MAPK6: variants seen among roughly 807,000 people sequenced by gnomAD.
MAPK6 encodes mitogen-activated protein kinase 6.
Under a neutral mutation model 59.3 loss-of-function variants are expected in MAPK6, and 19 were observed. The observed-to-expected ratio is 0.32, with a 90% CI of 0.22 to 0.47. MAPK6 has a LOEUF of 0.47. Among genes scored for constraint, MAPK6 ranks in the 20% least tolerant of loss-of-function variants. The pLI is 1.00. For missense variants in MAPK6, 724 were observed against 847.9 expected (o/e 0.85, Z 1.81); for synonymous variants, 316 against 290.3 (o/e 1.09, Z -0.90).
chr15:52,041,164 T>G (rs1313440484), intron 1 of MAPK6, among the ~76,000 whole-genome samples: 1 of 152,136 alleles, frequency 6.6e-6, no homozygotes, highest in African/African-American at 2.4e-5. Flanking sequence ...AGTTTTTTCC[T>G]GGGTCTAAGC....
chr15:52,061,561 T>G, intron 5 of MAPK6, 61 bp downstream of exon 5: 1 of 1,248,786 alleles, frequency 8.0e-7, no homozygotes, highest in Non-Finnish European at 1.1e-6. Context: ...CCATATGTAG[T>G]GAGTTTTTTT....
At chr15:51,974,658 CA>C (rs765698138) in intron 1 of MAPK6, among the ~76,000 whole-genome samples, 1,049 of 32,978 alleles carry the variant, frequency 0.032, 8 homozygotes, top group Non-Finnish European at 0.036. Context: ...GACTCCGTCT[CA>C]AAAAAAAAAA....
At chr15:52,007,329 G>T (rs1010028187) in intron 3 of MAPK6, among the ~76,000 whole-genome samples, 1 of 152,082 alleles carries the variant, frequency 6.6e-6, no homozygotes, top group Non-Finnish European at 1.5e-5. Flanking sequence ...CTATCTTCTG[G>T]GGGGTGGGGT....
At chr15:52,028,325 G>T (rs1334067204) in intron 1 of MAPK6, among the ~76,000 whole-genome samples, 1 of 152,100 alleles carries the variant, frequency 6.6e-6, no homozygotes, top group East Asian at 1.9e-4. Flanking sequence ...GACCTCAAGT[G>T]ATTCATCTGC....
chr15:52,017,306 G>C (rs2030299731), upstream of MAPK6: 1 of 152,196 alleles, frequency 6.6e-6, no homozygotes, highest in Non-Finnish European at 1.5e-5. Flanking sequence ...CAATGGTTTG[G>C]GGGCAGGGGG....
At chr15:52,026,539 G>T (rs1208833663) in intron 1 of MAPK6, among the ~76,000 whole-genome samples, 4 of 151,806 alleles carry the variant, frequency 2.6e-5, no homozygotes, top group African/African-American at 9.7e-5. Context: ...TGATCCACCC[G>T]TCTCGGCCTC....
chr15:51,993,518 A>G (rs1366450283), intron 2 of MAPK6, among the ~76,000 whole-genome samples: 1 of 152,232 alleles, frequency 6.6e-6, no homozygotes, highest in African/African-American at 2.4e-5. Flanking sequence ...GTGGAAAGTG[A>G]AAAAACTAGA....
At chr15:51,993,165 A>G (rs2057214973) in intron 2 of MAPK6, among the ~76,000 whole-genome samples, 2 of 152,270 alleles carry the variant, frequency 1.3e-5, no homozygotes, top group Non-Finnish European at 1.5e-5. Flanking sequence ...TTAGAAAAAG[A>G]TGCACCAATC....
chr15:51,991,631 A>G (rs184427320), intron 2 of MAPK6, among the ~76,000 whole-genome samples: 165 of 152,370 alleles, frequency 1.1e-3, no homozygotes, highest in Non-Finnish European at 1.9e-3. Context: ...TAATTAGAAT[A>G]TAAATCAGAA....
rs773819403 is a variant in MAPK6, at chr15:52,064,611, T to C, written c.1777T>C (p.Trp593Arg). Reference sequence around the variant, plus strand: ...ATTAGAAGCCTTGTACCAGTCTTCTTGGGACAGCCAGTTTGTGAGTGGTGG... The same window carrying C: ...ATTAGAAGCCTTGTACCAGTCTTCTCGGGACAGCCAGTTTGTGAGTGGTGG... ...AQLEALYQSS[W>R]DSQFVSGGED... is the part of the protein sequence containing the mutation. The change falls in exon 6 of 6, where the codon TGG (tryptophan) becomes CGG (arginine). Residue 593 changes from tryptophan (W) to arginine (R), a missense_variant. By Grantham distance (101) the Trp-to-Arg change is moderately radical. Around this residue, in one of 4 missense-constraint regions of MAPK6, gnomAD observed 502 missense variants for 507.6 expected, o/e 0.99. Coordinates refer to ENST00000261845, the MANE Select transcript of MAPK6 (RefSeq NM_002748.4). 30 of 1,611,772 alleles carry C rather than the reference T, an allele frequency of 1.9e-5. No individual in the cohort carries two copies. The highest frequency in any genetic ancestry group is 2.4e-5 in the Non-Finnish European group (28 of 1,179,750).
intron 4 of MAPK6, among the ~76,000 whole-genome samples, chr15:52,061,002 A>G (rs964914803): frequency 7.9e-5 from 12 of 152,190 alleles, no homozygotes; most frequent in Non-Finnish European, 1.3e-4. Context: ...ATTAAAACCT[A>G]TATATTAGGC....
intron 2 of MAPK6, among the ~76,000 whole-genome samples, chr15:51,993,863 G>T (rs2057217075): frequency 6.7e-6 from 1 of 150,332 alleles, no homozygotes; most frequent in Non-Finnish European, 1.5e-5. Context: ...CAAACTCCTG[G>T]ACTGAAGAAT....
chr15:52,015,212 G>T (rs1441400849), upstream of MAPK6, among the ~76,000 whole-genome samples: 1 of 151,980 alleles, frequency 6.6e-6, no homozygotes, highest in African/African-American at 2.4e-5. Flanking sequence ...TGTTGGTCAG[G>T]CTGGTCTCAA....
chr15:52,010,773 C>A (rs1217709372), intron 3 of MAPK6, among the ~76,000 whole-genome samples: 2 of 152,200 alleles, frequency 1.3e-5, no homozygotes, highest in Non-Finnish European at 2.9e-5. Context: ...CTCACCTTGG[C>A]CTCCCAAAGT....
chr15:52,009,116 A>G (rs1053954161), intron 3 of MAPK6, among the ~76,000 whole-genome samples: 3 of 152,230 alleles, frequency 2.0e-5, no homozygotes, highest in African/African-American at 7.2e-5. Flanking sequence ...AAAGGACAGG[A>G]TAGCTTGACT....
rs1323832871 is a variant in MAPK6, at chr15:52,066,290, T to C, written c.*1290T>C. On this transcript the variant is annotated 3_prime_UTR_variant, in exon 6 of 6. Transcript: ENST00000261845. The stretch of plus-strand genomic sequence containing the variant: ...AGCTCCTGTTTCACTCTTGGGTTAA[T>C]GAAAATTTTCTGCTAGAATGAAAAT... 1.3e-5 allele frequency: 2 copies of C among 152,236 alleles called. No homozygotes were observed. The highest frequency in any genetic ancestry group is 2.9e-5 in the Non-Finnish European group (2 of 68,026). 9.4% of individuals were successfully genotyped at this position (152,236 alleles called of 1,614,324 possible). A position where few individuals can be genotyped will look rare whatever the true frequency, so the allele number is the denominator to read the frequency against.
At chr15:52,041,442 C>T (rs970998671) in intron 1 of MAPK6, among the ~76,000 whole-genome samples, 3 of 152,118 alleles carry the variant, frequency 2.0e-5, no homozygotes, top group Non-Finnish European at 2.9e-5. Context: ...GTGATCTGCC[C>T]GCCTCAGCCT....
intron 1 of MAPK6, chr15:52,027,511 C>G (rs2030847005): frequency 6.6e-6 from 1 of 151,472 alleles, no homozygotes. Context: ...GTCTTCATCT[C>G]TACCCGTTAC....
Position 52,032,872 on chromosome 15 carries a change from T to G in MAPK6, c.-631-12958T>G, listed in dbSNP as rs143617093. ...GCTAATTCTGTATTTTTAGTAGAGATAGGGGTTTCTCCATGTTGGTCAGGC... is the reference window on the plus strand; with the variant it reads ...GCTAATTCTGTATTTTTAGTAGAGAGAGGGGTTTCTCCATGTTGGTCAGGC... On this transcript the variant is annotated intron_variant, in intron 1 of 5. Transcript: ENST00000261845. 2.2e-4 allele frequency among the ~76,000 whole-genome samples: 33 copies of G among 152,002 alleles called. No individual in the cohort carries two copies. In the East Asian group the frequency reaches 6.4e-3, roughly 30 times the overall value.
Sources: gnomAD v4.1 joint callset for allele counts (sites outside exome capture counted in the v4.1 genomes callset) on GRCh38, gnomAD v4.1.1 for gene constraint, gnomAD v4.1.1 regional missense constraint, MANE v1.5 for transcripts, NCBI Gene and HGNC (gene_info 2026-07-23, HGNC 2026-07-21) for gene names.